Variants in C12orf54 observed in about 807,000 individuals in gnomAD.
The protein encoded by C12orf54 is chromosome 12 open reading frame 54, also known as uncharacterized protein C12orf54.
Under a neutral mutation model 26.4 loss-of-function variants are expected in C12orf54, and 24 were observed. The ratio of observed to expected loss-of-function variants is 0.91; its 90% confidence interval spans 0.66 to 1.28. C12orf54 has a LOEUF of 1.28. Among genes scored for constraint, C12orf54 ranks in the 50% most tolerant of loss-of-function variants. The pLI is 0.00. For missense variants in C12orf54, 154 were observed against 150.9 expected, an observed-to-expected ratio of 1.02 and a Z score of -0.11; for synonymous variants, 54 against 47.0, an observed-to-expected ratio of 1.15 and a Z score of -0.61.
the C12orf54 span, among the ~76,000 whole-genome samples, chr12:48,474,528 G>A: frequency 4.6e-5 from 7 of 152,132 alleles, no homozygotes; most frequent in East Asian, 3.9e-4. Context: ...CTGGAAAATC[G>A]GGTCACTCCC....
At chr12:48,418,113 AATTT>A in the C12orf54 span, among the ~76,000 whole-genome samples, 1 of 152,366 alleles carries the variant, frequency 6.6e-6, no homozygotes, top group South Asian at 2.1e-4. Context: ...TGAAGCCATG[AATTT>A]ATTGCAAATG....
In C12orf54 at chr12:48,486,699, AACCAT is replaced by A; in HGVS notation, c.109_113del (p.Thr37HisfsTer2). ...CCTTATTTCTACAGGAAAAACAGGT[AACCAT>A]CACTGAAACCCTGTGGGACCAGGTG... On this transcript the variant is annotated frameshift_variant, in exon 4 of 9. Transcript: ENST00000548364. LOFTEE classifies it high-confidence loss of function. 1 of 1,613,216 alleles carries A rather than the reference AACCAT, an allele frequency of 6.2e-7. No individual in the cohort carries two copies.
rs369359433 is a variant in C12orf54, at chr12:48,483,381, C to G, written c.65+20C>G. 3 of 1,608,698 alleles carry G rather than the reference C, an allele frequency of 1.9e-6. No individual in the cohort carries two copies. In the African/African-American group the frequency reaches 4.0e-5, roughly 22 times the overall value. On this transcript the variant is annotated intron_variant, in intron 2 of 8. Transcript: ENST00000548364. ...GAGAAGGTAATGGGGCTAATGATGA[C>G]CCTCAAACATCCTTAGATTGCTATA...
the C12orf54 span, among the ~76,000 whole-genome samples, chr12:48,461,230 C>T: frequency 6.6e-6 from 1 of 151,904 alleles, no homozygotes; most frequent in Non-Finnish European, 1.5e-5. Context: ...ATCTGTGCAT[C>T]TGACAAAATA....
At chr12:48,434,299 G>C in the C12orf54 span, among the ~76,000 whole-genome samples, 1 of 152,242 alleles carries the variant, frequency 6.6e-6, no homozygotes, top group African/African-American at 2.4e-5. Context: ...CACAGATCAA[G>C]GAGGACTGCC....
At chr12:48,472,754 T>C in the C12orf54 span, 1 of 1,614,022 alleles carries the variant, frequency 6.2e-7, no homozygotes, top group Non-Finnish European at 8.5e-7. Context: ...GTCAGTCAAA[T>C]GAAGGCAAAT....
the C12orf54 span, among the ~76,000 whole-genome samples, chr12:48,467,470 T>C: frequency 1.3e-5 from 2 of 152,286 alleles, no homozygotes; most frequent in East Asian, 1.9e-4. Flanking sequence ...ATGAATGAAA[T>C]GAATGCTGTA....
chr12:48,468,578 C>A, the C12orf54 span, among the ~76,000 whole-genome samples: 1 of 136,364 alleles, frequency 7.3e-6, no homozygotes, highest in African/African-American at 2.4e-5. Context: ...AGATACCATG[C>A]AAACACTAAC....
upstream of C12orf54, among the ~76,000 whole-genome samples, chr12:48,479,572 G>C (rs992515449): frequency 6.6e-6 from 1 of 151,148 alleles, no homozygotes; most frequent in Non-Finnish European, 1.5e-5. Flanking sequence ...AGTGCTGGAG[G>C]CGTTGCTACA....
the C12orf54 span, among the ~76,000 whole-genome samples, chr12:48,428,271 A>G: frequency 6.6e-6 from 1 of 152,026 alleles, no homozygotes; most frequent in Non-Finnish European, 1.5e-5. Flanking sequence ...AACTAGAAAA[A>G]CAACAAACCA....
At chr12:48,476,641 G>C in the C12orf54 span, among the ~76,000 whole-genome samples, 50,699 of 151,910 alleles carry the variant, frequency 0.33, 10,501 homozygotes, top group Middle Eastern at 0.48. Context: ...AATCAAAAGA[G>C]ACAAAGAAGG....
chr12:48,461,722 C>A, the C12orf54 span, among the ~76,000 whole-genome samples: 1 of 151,662 alleles, frequency 6.6e-6, no homozygotes, highest in African/African-American at 2.4e-5. Flanking sequence ...TTGTGAGATG[C>A]AGCTAAGTCC....
chr12:48,483,855 G>A (rs1954227641), intron 2 of C12orf54, among the ~76,000 whole-genome samples: 1 of 152,182 alleles, frequency 6.6e-6, no homozygotes, highest in Non-Finnish European at 1.5e-5. Context: ...TCAGAACTTG[G>A]CTTGAGCCTT....
chr12:48,423,712 G>A, the C12orf54 span, among the ~76,000 whole-genome samples: 3 of 152,094 alleles, frequency 2.0e-5, no homozygotes, highest in East Asian at 5.8e-4. Flanking sequence ...CTTGTACTTT[G>A]TACCTTGTGA....
chr12:48,495,926 C>T (rs555215236), intron 8 of C12orf54, among the ~76,000 whole-genome samples: 2 of 152,330 alleles, frequency 1.3e-5, no homozygotes, highest in East Asian at 3.9e-4. Context: ...CAGGAAGCTT[C>T]CTTCCTCTAG....
chr12:48,457,284 T>C, the C12orf54 span, among the ~76,000 whole-genome samples: 1 of 127,704 alleles, frequency 7.8e-6, no homozygotes, highest in African/African-American at 2.7e-5. Flanking sequence ...GTTGTTGTTG[T>C]TGGTGGTGGT....
At chr12:48,480,531 ACATCT>A (rs569552064), upstream of C12orf54, among the ~76,000 whole-genome samples, 333 of 152,324 alleles carry the variant, frequency 2.2e-3, no homozygotes, top group Middle Eastern at 0.014. Flanking sequence ...TCACAATGAG[ACATCT>A]CATCTCACAC....
the C12orf54 span, among the ~76,000 whole-genome samples, chr12:48,468,588 C>T: frequency 7.7e-6 from 1 of 129,634 alleles, no homozygotes; most frequent in Admixed American, 7.4e-5. Flanking sequence ...CAAACACTAA[C>T]TACAACAACA....
chr12:48,448,564 T>G, the C12orf54 span, among the ~76,000 whole-genome samples: 2 of 152,236 alleles, frequency 1.3e-5, no homozygotes, highest in African/African-American at 4.8e-5. Context: ...CTGCATATTT[T>G]ATAGGATTTT....
Sources: allele counts gnomAD v4.1 joint callset (sites outside exome capture counted in the v4.1 genomes callset), GRCh38; gene constraint gnomAD v4.1.1; transcripts MANE v1.5; gene names NCBI Gene and HGNC (gene_info 2026-07-23, HGNC 2026-07-21).